FNTA: variants seen among roughly 807,000 people sequenced by gnomAD.
FNTA encodes protein farnesyltransferase/geranylgeranyltransferase type-1 subunit alpha.
In FNTA, 27 loss-of-function variants were observed where a neutral mutation model predicts 55.2. The ratio of observed to expected loss-of-function variants is 0.49; its 90% confidence interval spans 0.36 to 0.67. The LOEUF (loss-of-function observed/expected upper bound fraction) is 0.67. Ranked by LOEUF, FNTA falls within the 30% of genes least tolerant of loss-of-function variation. FNTA has a pLI of 0.00. For synonymous variants in FNTA, 176 were observed against 170.7 expected, an observed-to-expected ratio of 1.03 and a Z score of -0.24; for missense variants, 422 against 464.7, an observed-to-expected ratio of 0.91 and a Z score of 0.85.
At chr8:43,068,174 G>A (rs1221963393) in intron 3 of FNTA, among the ~76,000 whole-genome samples, 1 of 152,062 alleles carries the variant, frequency 6.6e-6, no homozygotes, top group East Asian at 1.9e-4. Context: ...GGGATTACAG[G>A]CTAATTTTTG....
intron 3 of FNTA, among the ~76,000 whole-genome samples, chr8:43,068,986 A>C (rs1810724134): frequency 1.3e-5 from 2 of 152,186 alleles, no homozygotes; most frequent in African/African-American, 4.8e-5. Context: ...TGCTGGGGTT[A>C]CAGGCGTGAG....
chr8:43,082,409 T>C (rs1283526234), intron 6 of FNTA: 1 of 152,214 alleles, frequency 6.6e-6, no homozygotes, highest in African/African-American at 2.4e-5. Flanking sequence ...TTATGTAAAT[T>C]CTCCTATTTC....
At chr8:43,064,964 G>C (rs1586654805) in intron 3 of FNTA, among the ~76,000 whole-genome samples, 1 of 151,282 alleles carries the variant, frequency 6.6e-6, no homozygotes, top group East Asian at 2.0e-4. Flanking sequence ...AGCCTCCCCA[G>C]TAGCTGGGAT....
rs1811118213 is a variant in FNTA at position 43,085,767 on chromosome 8, T to A, written c.*485T>A. ...CCAAAAGAACGGTTTTGTAATAAAA[T>A]TATAGCTGTATCTAAAAACAATGCC... On this transcript the variant is annotated 3_prime_UTR_variant, in exon 9 of 9. Coordinates refer to ENST00000302279, the MANE Select transcript of FNTA (RefSeq NM_002027.3). 1 of 155,058 alleles carries A rather than the reference T, an allele frequency of 6.4e-6. No homozygotes were observed. The highest frequency in any genetic ancestry group is 6.5e-5 in the Admixed American group (1 of 15,304). 9.6% of individuals were successfully genotyped at this position (155,058 alleles called of 1,614,324 possible). A position where few individuals can be genotyped will look rare whatever the true frequency, so the allele number is the denominator to read the frequency against.
chr8:43,076,973 T>C (rs947309284), intron 5 of FNTA: 2 of 335,874 alleles, frequency 6.0e-6, no homozygotes, highest in African/African-American at 4.3e-5. Context: ...GGGGTTTTTT[T>C]CCCTCAAAAT....
At chr8:43,065,675 A>T (rs1488652646) in intron 3 of FNTA, among the ~76,000 whole-genome samples, 1 of 151,440 alleles carries the variant, frequency 6.6e-6, no homozygotes. Context: ...TATTGAACAC[A>T]GGTCATCCTT....
At chr8:43,058,171 C>T (rs553167638) in intron 1 of FNTA, among the ~76,000 whole-genome samples, 1 of 152,012 alleles carries the variant, frequency 6.6e-6, no homozygotes, top group Admixed American at 6.6e-5. Context: ...TCCAAATACC[C>T]TTCTAAGGTT....
chr8:43,078,380 T>C (rs913740210), intron 6 of FNTA: 32 of 152,170 alleles, frequency 2.1e-4, no homozygotes, highest in African/African-American at 7.7e-4. Flanking sequence ...TTGAAGCATC[T>C]TGAGCAATCT....
At chr8:43,061,938 C>T (rs1363871739) in intron 2 of FNTA, among the ~76,000 whole-genome samples, 2 of 152,034 alleles carry the variant, frequency 1.3e-5, no homozygotes, top group African/African-American at 2.4e-5. Context: ...AGGCTGGTCT[C>T]GAACTCCCGA....
intron 4 of FNTA, among the ~76,000 whole-genome samples, chr8:43,070,554 C>T (rs1016010963): frequency 3.9e-5 from 6 of 152,134 alleles, no homozygotes; most frequent in Non-Finnish European, 7.4e-5. Context: ...TTGATTACAT[C>T]GAGTTTTTGC....
intron 2 of FNTA, 72 bp from the exon 3 acceptor site, chr8:43,064,029 T>C (rs1343462911): frequency 5.5e-6 from 5 of 902,224 alleles, no homozygotes; most frequent in African/African-American, 5.0e-5. Flanking sequence ...TTTATAGGTA[T>C]AGTGACATTA....
chr8:43,065,945 T>C (rs1161963136), intron 3 of FNTA, among the ~76,000 whole-genome samples: 2 of 151,400 alleles, frequency 1.3e-5, no homozygotes, highest in Non-Finnish European at 2.9e-5. Flanking sequence ...AAAACTCTTT[T>C]TCTGTTTCTC....
intron 3 of FNTA, among the ~76,000 whole-genome samples, chr8:43,066,442 GT>G (rs1228967268): frequency 4.7e-5 from 7 of 150,192 alleles, no homozygotes; most frequent in Non-Finnish European, 8.8e-5. Context: ...TATTTTTTTA[GT>G]AGAGATGGGG....
At chr8:43,064,641 G>A (rs1025897331) in intron 3 of FNTA, among the ~76,000 whole-genome samples, 4 of 151,486 alleles carry the variant, frequency 2.6e-5, no homozygotes, top group Non-Finnish European at 2.9e-5. Context: ...ATAGCAATTC[G>A]CTTATGGGTT....
rs149062392 is a variant in FNTA at position 43,060,617 on chromosome 8, G to T, written c.286+1440G>T. ...TTGAACCTGAGAGGTGGAGGTTGCA[G>T]TGAGCCACGATCACGCCATTGCACT... is the stretch of plus-strand genomic sequence containing the variant. On this transcript the variant is annotated intron_variant, in intron 2 of 8. Coordinates refer to ENST00000302279, the MANE Select transcript of FNTA (RefSeq NM_002027.3). Among the ~76,000 whole-genome samples the T allele has an allele frequency of 2.0e-3, 302 of 151,566 alleles. 1 individual carries two copies. Among genetic ancestry groups the T allele is most frequent in the South Asian group, 0.011 (52 of 4,812 alleles).
In FNTA at chr8:43,077,342, G is replaced by A. The variant is rs767010345; in HGVS notation, c.760G>A (p.Ala254Thr). 1 of 1,612,840 alleles carries A rather than the reference G, an allele frequency of 6.2e-7. No homozygotes were observed. Among genetic ancestry groups the A allele is most frequent in the South Asian group, 1.1e-5 (1 of 90,850 alleles). ...TAACACCACTGGCTACAATGATCGT[G>A]CTGTATTGGAGAGAGAAGTCCAGTT... ...ISNTTGYNDR[A>T]VLEREVQYTL... Residue 254 changes from alanine (A) to threonine (T), a missense_variant, in exon 6 of 9, where the codon GCT (alanine) becomes ACT (threonine). Coordinates refer to ENST00000302279, the MANE Select transcript of FNTA (RefSeq NM_002027.3).
intron 4 of FNTA, chr8:43,070,430 A>G (rs2130556640): frequency 6.6e-6 from 1 of 152,358 alleles, no homozygotes; most frequent in Middle Eastern, 3.4e-3. Flanking sequence ...TAATGGGAAA[A>G]GAGATTAAAT....
chr8:43,081,288 TA>T (rs776541340), intron 6 of FNTA: 1 of 152,316 alleles, frequency 6.6e-6, no homozygotes. Context: ...TGCAAACATT[TA>T]TACACAGCAA....
chr8:43,072,393 A>G (rs987863719), intron 5 of FNTA, 86 bp downstream of exon 5: 61 of 970,614 alleles, frequency 6.3e-5, no homozygotes, highest in Non-Finnish European at 8.5e-5. Flanking sequence ...TTCTAAACCA[A>G]AACACACACA....
Sources: allele counts gnomAD v4.1 joint callset (sites outside exome capture counted in the v4.1 genomes callset), GRCh38; gene constraint gnomAD v4.1.1; transcripts MANE v1.5; gene names NCBI Gene and HGNC (gene_info 2026-07-23, HGNC 2026-07-21).